HRC: variants seen among roughly 807,000 people sequenced by gnomAD.
HRC encodes sarcoplasmic reticulum histidine-rich calcium-binding protein.
A neutral mutation model predicts 61.4 loss-of-function variants in HRC; 41 were observed. The ratio of observed to expected loss-of-function variants is 0.67; its 90% CI spans 0.52 to 0.87. The LOEUF (loss-of-function observed/expected upper bound fraction) is 0.87. Among genes scored for constraint, HRC ranks in the 40% least tolerant of loss-of-function variants. The pLI is 0.00. For synonymous variants in HRC, 308 were observed against 326.6 expected (o/e 0.94, Z 0.62); for missense variants, 839 against 885.8 (o/e 0.95, Z 0.67).
rs1327679906 is a variant in HRC, at chr19:49,154,194, G to C, written c.1044C>G (p.His348Gln). 1.2e-6 allele frequency: 2 copies of C among 1,613,974 alleles called. No individual in the cohort carries two copies. Among genetic ancestry groups the C allele is most frequent in the Middle Eastern group, 3.3e-4 (2 of 6,062 alleles). ...CATCCTCATCTTCTTCCTCGTCTCT[G>C]TGGCCTTGGTGCCTGTGGTCAGGGA... ...HHVPDHRHQG[H>Q]RDEEEDEDVS... The change falls in exon 1 of 6, where the codon CAC (histidine) becomes CAG (glutamine). Residue 348 changes from histidine (H) to glutamine (Q), a missense_variant. His to Gln is a conservative substitution (Grantham distance 24). Coordinates refer to ENST00000252825, the MANE Select transcript of HRC (RefSeq NM_002152.3).
In HRC at chr19:49,154,571, C is replaced by T. The variant is rs139799783; in HGVS notation, c.667G>A (p.Glu223Lys). The T allele has an allele frequency of 5.2e-5, 84 of 1,613,648 alleles. No individual in the cohort carries two copies. The highest frequency in any genetic ancestry group is 6.5e-5 in the Non-Finnish European group (77 of 1,179,888). The change falls in exon 1 of 6, where the codon GAG becomes AAG. Residue 223 changes from glutamate to lysine, a missense_variant. Transcript: ENST00000252825. ...AHRHRGHGSE[E>K]DEDVSDGHHH... is the part of the protein sequence containing the mutation. ...TGTCCATCTGAGACATCCTCATCCT[C>T]TTCACTCCCATGGCCTCGGTGCCTG...
intron 5 of HRC, 62 bp from the exon 6 acceptor site, chr19:49,151,394 G>C: frequency 3.2e-6 from 5 of 1,567,222 alleles, no homozygotes; most frequent in Non-Finnish European, 4.3e-6. Context: ...AGGACGCTTA[G>C]AGATCATTAA....
Position 49,154,376 on chromosome 19 carries a change from G to T in HRC, c.862C>A (p.His288Asn), listed in dbSNP as rs767308698. Residue 288 changes from histidine (H) to asparagine (N), a missense_variant, in exon 1 of 6, where the codon CAC becomes AAC. By Grantham distance (68) the His-to-Asn change is moderately conservative (BLOSUM62 1). Coordinates refer to ENST00000252825, the MANE Select transcript of HRC (RefSeq NM_002152.3). The stretch of plus-strand genomic sequence containing the variant: ...CTGTGGCTGGGGTCGCGATGATGGT[G>T]TCCATCTGAGACATCTTCATCCTCT... ...IEEDEDVSDG[H>N]HHRDPSHRHR... 1.9e-5 allele frequency: 30 copies of T among 1,611,070 alleles called. No individual in the cohort carries two copies. Among genetic ancestry groups the T allele is most frequent in the Non-Finnish European group, 2.5e-5 (30 of 1,179,688 alleles).
Position 49,154,563 on chromosome 19 carries a change from C to T in HRC, c.675G>A (p.Glu225=), listed in dbSNP as rs1467988552. The change falls in exon 1 of 6, where the codon GAG becomes GAA. Residue 225 remains glutamate, a synonymous_variant. Coordinates refer to ENST00000252825, the MANE Select transcript of HRC (RefSeq NM_002152.3). ...RHRGHGSEED[E]DVSDGHHHHG... is the part of the protein sequence containing the mutation. Reference sequence around the variant, plus strand: ...GATGATGGTGTCCATCTGAGACATCCTCATCCTCTTCACTCCCATGGCCTC... The same window carrying T: ...GATGATGGTGTCCATCTGAGACATCTTCATCCTCTTCACTCCCATGGCCTC... 3 of 1,611,746 alleles carry T rather than the reference C, an allele frequency of 1.9e-6. No individual in the cohort carries two copies. Among genetic ancestry groups the T allele is most frequent in the South Asian group, 2.2e-5 (2 of 90,860 alleles).
In HRC at chr19:49,152,187, A is replaced by T. The variant is rs986003274; in HGVS notation, c.1971+123T>A. 3.2e-6 allele frequency: 4 copies of T among 1,254,472 alleles called. No homozygotes were observed. In the African/African-American group the frequency reaches 5.9e-5, roughly 18 times the overall value. The allele number at this position is 1,254,472 out of a possible 1,614,324, so 77.7% of individuals were successfully genotyped here. A position where few individuals can be genotyped will look rare whatever the true frequency, so the allele number is the denominator to read the frequency against. ...AGGTTGGAGTCAGGATCGCTTGTGG[A>T]GTCAAGGTTGCATCAGGGGTAAGGG... On this transcript the variant is annotated intron_variant, in intron 3 of 5. Transcript: ENST00000252825.
chr19:49,151,825 G>T (rs1047057055), intron 4 of HRC, 179 bp downstream of exon 4: 9 of 675,474 alleles, frequency 1.3e-5, no homozygotes, highest in Non-Finnish European at 2.3e-5. Flanking sequence ...CTTGGCTCCA[G>T]CAACTCCACC....
chr19:49,152,062 G>A lies in HRC; in HGVS notation c.1972-4C>T. 6.2e-7 allele frequency: 1 copy of A among 1,613,996 alleles called. No individual in the cohort carries two copies. Among genetic ancestry groups the A allele is most frequent in the Non-Finnish European group, 8.5e-7 (1 of 1,179,850 alleles). On this transcript the variant is annotated splice_polypyrimidine_tract_variant and splice_region_variant and intron_variant, in intron 3 of 5. Transcript: ENST00000252825. ...AGAGATAGCAGAACTGACAGTGCTG[G>A]AGGCGGGGACGGGGAGAGAGAGTGA...
At position 49,155,049 on chromosome 19, in the gene HRC, G is replaced by T. The variant is rs776330249; in HGVS notation, c.189C>A (p.Ser63Arg). 3 of 1,614,210 alleles carry T rather than the reference G, an allele frequency of 1.9e-6. No individual in the cohort carries two copies. The South Asian group carries it at 3.3e-5, about 18-fold the overall frequency. Residue 63 changes from serine (S) to arginine (R), a missense_variant, in exon 1 of 6, where the codon AGC becomes AGA. Physicochemically the swap from Ser to Arg is moderately radical, Grantham distance 110. Coordinates refer to ENST00000252825, the MANE Select transcript of HRC (RefSeq NM_002152.3). The surrounding 1 kb of genome is among the most constrained non-coding windows in gnomAD (Gnocchi z 4.7). ...TGTTCTCATCTGGATGGTCTCTAGG[G>T]CTGTGGAGGTGGTGGCGAAGCTCTG... ...ASAELRHHLH[S>R]PRDHPDENKD...
In HRC at chr19:49,151,997, T is replaced by G. The variant is rs923148005; in HGVS notation, c.2026+7A>C. The G allele has an allele frequency of 1.2e-6, 2 of 1,613,934 alleles. No individual in the cohort carries two copies. Among genetic ancestry groups the G allele is most frequent in the Non-Finnish European group, 1.7e-6 (2 of 1,179,918 alleles). ...TCAGGTTTTTCCAGGGCCCCGCCCA[T>G]GCTCACCTGGAGCGCAGACCGTTTC... On this transcript the variant is annotated splice_region_variant and intron_variant, in intron 4 of 5. Coordinates refer to ENST00000252825, the MANE Select transcript of HRC (RefSeq NM_002152.3).
chr19:49,152,239 C>T, intron 3 of HRC, 71 bp downstream of exon 3: 1 of 1,432,782 alleles, frequency 7.0e-7, no homozygotes, highest in Non-Finnish European at 9.8e-7. Context: ...GGATTTAGGG[C>T]TGGGGGTCCT....
At position 49,153,316 on chromosome 19, in the gene HRC, T is replaced by C. The variant is rs1006831164; in HGVS notation, c.1847A>G (p.Gln616Arg). 1.2e-5 allele frequency: 19 copies of C among 1,613,900 alleles called. No individual in the cohort carries two copies. Among genetic ancestry groups the C allele is most frequent in the Middle Eastern group, 1.6e-4 (1 of 6,062 alleles). The change falls in exon 2 of 6, where the codon CAG becomes CGG. Residue 616 changes from glutamine (Q) to arginine (R), a missense_variant. Coordinates refer to ENST00000252825, the MANE Select transcript of HRC (RefSeq NM_002152.3). This position sits in a 1 kb window ranked among gnomAD's most constrained non-coding sequence, Gnocchi z 4.8. ...CCCTGGCTGGTAGTTCCCATACTCC[T>C]GAGCATCCTGTGGACCTGCGGGGAC... ...SGEDTGPQDA[Q>R]EYGNYQPGSL...
Position 49,154,252 on chromosome 19 carries a change from A to G in HRC, c.986T>C (p.Val329Ala), listed in dbSNP as rs138152757. 7.8e-5 allele frequency: 123 copies of G among 1,573,074 alleles called. 1 individual carries two copies. The highest frequency in any genetic ancestry group is 3.4e-4 in the Middle Eastern group (2 of 5,878). The change falls in exon 1 of 6, where the codon GTT becomes GCT. Residue 329 changes from valine (V) to alanine (A), a missense_variant. Transcript: ENST00000252825. Reference sequence around the variant, plus strand: ...GTGGTGTTCACCTGAGACAGCCTCAACCTCTTCCTTTCTGTGGTCTTGGTG... The same window carrying G: ...GTGGTGTTCACCTGAGACAGCCTCAGCCTCTTCCTTTCTGTGGTCTTGGTG... ...HRHQDHRKEE[V>A]EAVSGEHHHH...
At chr19:49,152,853 G>C (rs925415052) in intron 2 of HRC, among the ~76,000 whole-genome samples, 1 of 151,580 alleles carries the variant, frequency 6.6e-6, no homozygotes, top group Non-Finnish European at 1.5e-5. Flanking sequence ...TTACAGGCGT[G>C]AGCCACCACA....
At position 49,155,354 on chromosome 19, in the gene HRC, T is replaced by G; in HGVS notation, c.-117A>C. On this transcript the variant is annotated 5_prime_UTR_variant, in exon 1 of 6. Coordinates refer to ENST00000252825, the MANE Select transcript of HRC (RefSeq NM_002152.3). This position sits in a 1 kb window ranked among gnomAD's most constrained non-coding sequence, Gnocchi z 4.7. Reference sequence around the variant, plus strand: ...TTCTCTGTGTCTCTCCTTTGTCCTTTCGGTCTCTGTCCACCTTCCTCTGGT... The same window carrying G: ...TTCTCTGTGTCTCTCCTTTGTCCTTGCGGTCTCTGTCCACCTTCCTCTGGT... 7.3e-7 allele frequency: 1 copy of G among 1,365,686 alleles called. No homozygotes were observed. The highest frequency in any genetic ancestry group is 9.6e-7 in the Non-Finnish European group (1 of 1,036,988). 84.6% of individuals were successfully genotyped at this position (1,365,686 alleles called of 1,614,324 possible).
chr19:49,153,250 TG>T lies in HRC; in HGVS notation c.1902+10del, dbSNP rs757422142. On this transcript the variant is annotated intron_variant, in intron 2 of 5. Coordinates refer to ENST00000252825, the MANE Select transcript of HRC (RefSeq NM_002152.3). This position sits in a 1 kb window ranked among gnomAD's most constrained non-coding sequence, Gnocchi z 4.8. ...GACACCTTGGTGGGTGGATCTGGGC[TG>T]GGGACATACATTGCAGAAGGAGCAG... The T allele has an allele frequency of 1.4e-5, 23 of 1,608,262 alleles. No individual in the cohort carries two copies. In the South Asian group the frequency reaches 1.8e-4, roughly 12 times the overall value.
rs1045249412 is a variant in HRC at position 49,152,311 on chromosome 19, T to G, written c.1970A>C (p.Gln657Pro). Residue 657 changes from glutamine (Q) to proline (P), a missense_variant and splice_region_variant, in exon 3 of 6, where the codon CAG (glutamine) becomes CCG (proline). Gln to Pro is a moderately conservative substitution (Grantham distance 76). Transcript: ENST00000252825. ...ENMGEHCDQC[Q>P]HCQFCYLCPL... The stretch of plus-strand genomic sequence containing the variant: ...CTTGAGTGTGAGGTGAGGTCTCACC[T>G]GGCACTGGTCGCAGTGCTCACCCAT... 8 of 1,611,866 alleles carry G rather than the reference T, an allele frequency of 5.0e-6. No homozygotes were observed. The highest frequency in any genetic ancestry group is 6.8e-6 in the Non-Finnish European group (8 of 1,178,482).
chr19:49,152,275 C>T, intron 3 of HRC, 35 bp downstream of exon 3: 1 of 1,579,444 alleles, frequency 6.3e-7, no homozygotes, highest in Non-Finnish European at 8.7e-7. Flanking sequence ...CATCCTGAGG[C>T]CCAGTGGAGC....
Position 49,154,289 on chromosome 19 carries a change from GGT to G in HRC, c.947_948del (p.His316ProfsTer14). 1 of 1,613,616 alleles carries G rather than the reference GGT, an allele frequency of 6.2e-7. No individual in the cohort carries two copies. Among genetic ancestry groups the G allele is most frequent in the Non-Finnish European group, 8.5e-7 (1 of 1,179,840 alleles). On this transcript the variant is annotated frameshift_variant, in exon 1 of 6. Transcript: ENST00000252825. LOFTEE classifies it high-confidence loss of function. Reference sequence around the variant, plus strand: ...CTGTGGTCTTGGTGCCTGTGGGCCTGGTGTCCATACTCAGTGGAGACATCATC... The same window carrying G: ...CTGTGGTCTTGGTGCCTGTGGGCCTGGTCCATACTCAGTGGAGACATCATC... ...DDDDVSTEYGHQAHRHQDHRK... is the reference protein window; with the variant it reads ...DDDDVSTEYGXQAHRHQDHRK...
chr19:49,152,964 C>G (rs1005005058), intron 2 of HRC, among the ~76,000 whole-genome samples: 1 of 152,086 alleles, frequency 6.6e-6, no homozygotes, highest in African/African-American at 2.4e-5. Flanking sequence ...TATTCTCCCC[C>G]TAGCCTATCA....
Sources: allele counts gnomAD v4.1 joint callset (sites outside exome capture counted in the v4.1 genomes callset), GRCh38; gene constraint gnomAD v4.1.1; non-coding constraint Gnocchi (gnomAD v3.1); transcripts MANE v1.5; gene names NCBI Gene and HGNC (gene_info 2026-07-23, HGNC 2026-07-21).